Variants in PBX3 observed in about 807,000 individuals in gnomAD.
PBX3 encodes PBX homeobox 3.
Under a neutral mutation model 48.5 loss-of-function variants are expected in PBX3, and 14 were observed. The ratio of observed to expected loss-of-function variants is 0.29; its 90% CI spans 0.19 to 0.45. The LOEUF (loss-of-function observed/expected upper bound fraction) is 0.45, where lower values mean the gene tolerates loss of function less well. Among genes scored for constraint, PBX3 ranks in the 20% least tolerant of loss-of-function variants. The pLI, the probability that PBX3 is intolerant of heterozygous loss-of-function variation, is 1.00. For synonymous variants in PBX3, 210 were observed against 200.3 expected (o/e 1.05, Z -0.41); for missense variants, 386 against 546.7 (o/e 0.71, Z 2.93).
At chr9:125,954,057 G>A (rs1433838989) in intron 5 of PBX3, among the ~76,000 whole-genome samples, 1 of 152,126 alleles carries the variant, frequency 6.6e-6, no homozygotes, top group Non-Finnish European at 1.5e-5. Flanking sequence ...TTCCCTTCCT[G>A]CCCTTTTCTT....
Position 125,781,391 on chromosome 9 carries a change from G to A in PBX3, c.274+32768G>A, listed in dbSNP as rs558915611. 6.6e-5 allele frequency among the ~76,000 whole-genome samples: 10 copies of A among 151,798 alleles called. No homozygotes were observed. The South Asian group carries it at 1.3e-3, about 19-fold the overall frequency. ...GAAAACCAGTCAGGCGTGGTGGCGC[G>A]CGCCTGCAATCGCAGGCACTCGGCC... On this transcript the variant is annotated intron_variant, in intron 2 of 8. Transcript: ENST00000373489.
intron 2 of PBX3, among the ~76,000 whole-genome samples, chr9:125,834,776 G>T (rs1839071289): frequency 6.6e-6 from 1 of 150,518 alleles, no homozygotes; most frequent in African/African-American, 2.4e-5. Context: ...AGCACTTTGG[G>T]AGGCTGAGGT....
In PBX3 at chr9:125,899,441, GTATA is replaced by G. The variant is rs369506959; in HGVS notation, c.275-16234_275-16231del. ...TATATGTATGTCTATATATATGTGT[GTATA>G]TATATATATAGAGAGAGAGAGAGAG... On this transcript the variant is annotated intron_variant, in intron 2 of 8. Transcript: ENST00000373489. 2.9e-3 allele frequency among the ~76,000 whole-genome samples: 222 copies of G among 76,492 alleles called. 7 individuals are homozygous for G. The highest frequency in any genetic ancestry group is 0.018 in the East Asian group (47 of 2,620). 50.2% of individuals were successfully genotyped at this position (76,492 alleles called of 152,430 possible).
intron 5 of PBX3, among the ~76,000 whole-genome samples, chr9:125,941,218 T>G (rs1431413327): frequency 6.6e-6 from 1 of 152,168 alleles, no homozygotes; most frequent in Non-Finnish European, 1.5e-5. Context: ...GTGAGGAACA[T>G]TCTAGCAGAG....
At chr9:125,943,336 C>A (rs1841997926) in intron 5 of PBX3, among the ~76,000 whole-genome samples, 2 of 101,122 alleles carry the variant, frequency 2.0e-5, no homozygotes, top group East Asian at 3.4e-4. Flanking sequence ...GCTTGGGCTG[C>A]AGAGTGAGAC....
chr9:125,899,298 A>AATAT (rs1378395223), intron 2 of PBX3, among the ~76,000 whole-genome samples: 1 of 60,040 alleles, frequency 1.7e-5, no homozygotes, highest in Non-Finnish European at 3.9e-5. Flanking sequence ...TTTATATATA[A>AATAT]ATATACATAT....
chr9:125,831,021 GC>G (rs922605017), intron 2 of PBX3, among the ~76,000 whole-genome samples: 1 of 151,928 alleles, frequency 6.6e-6, no homozygotes, highest in Non-Finnish European at 1.5e-5. Context: ...CCTTCCTCCT[GC>G]CCCCCACCTG....
At chr9:125,929,354 G>A (rs1286718281) in intron 3 of PBX3, among the ~76,000 whole-genome samples, 2 of 152,138 alleles carry the variant, frequency 1.3e-5, no homozygotes, top group Middle Eastern at 3.2e-3. Context: ...ATTTTTACTT[G>A]TATATGGGAA....
intron 5 of PBX3, among the ~76,000 whole-genome samples, chr9:125,953,765 A>C (rs996256291): frequency 8.0e-6 from 1 of 124,226 alleles, no homozygotes; most frequent in African/African-American, 2.5e-5. Context: ...TTTTTAGCCC[A>C]AAAAAAGTCT....
chr9:125,822,767 A>G (rs1053432681), intron 2 of PBX3, among the ~76,000 whole-genome samples: 4 of 152,142 alleles, frequency 2.6e-5, no homozygotes, highest in Admixed American at 6.5e-5. Context: ...TTTGTACATT[A>G]ATACAGGGTA....
intron 2 of PBX3, among the ~76,000 whole-genome samples, chr9:125,802,724 G>GC (rs1837996250): frequency 6.6e-6 from 1 of 151,436 alleles, no homozygotes; most frequent in Non-Finnish European, 1.5e-5. Context: ...CGTTGCCCAG[G>GC]CTGGGGTGCA....
At chr9:125,908,313 G>A (rs1841123824) in intron 2 of PBX3, among the ~76,000 whole-genome samples, 1 of 152,054 alleles carries the variant, frequency 6.6e-6, no homozygotes, top group South Asian at 2.1e-4. Flanking sequence ...GGCGCACAGT[G>A]TAGTGTTATC....
intron 3 of PBX3, among the ~76,000 whole-genome samples, chr9:125,916,407 G>A (rs1377336341): frequency 6.6e-6 from 1 of 152,138 alleles, no homozygotes; most frequent in East Asian, 1.9e-4. Context: ...CACCAAGTAA[G>A]CAGGTTCCGG....
chr9:125,774,774 C>T (rs1325852987), intron 2 of PBX3, among the ~76,000 whole-genome samples: 2 of 151,736 alleles, frequency 1.3e-5, no homozygotes, highest in African/African-American at 4.8e-5. Flanking sequence ...AGGAGTAGAA[C>T]TGCTAGATCA....
rs2066159736 is a variant in PBX3, at chr9:125,963,028, A to G, written c.1139A>G (p.His380Arg). The G allele has an allele frequency of 1.2e-6, 2 of 1,604,618 alleles. No individual in the cohort carries two copies. Among genetic ancestry groups the G allele is most frequent in the Non-Finnish European group, 8.5e-7 (1 of 1,172,406 alleles). Residue 380 changes from histidine (H) to arginine (R), a missense_variant, in exon 8 of 9, where the codon CAT becomes CGT. Physicochemically the swap from His to Arg is conservative, Grantham distance 29 (BLOSUM62 0). Transcript: ENST00000373489. ...CACTTCTAGGTGGATACCCTCCGTC[A>G]TGTTATCAATCAGACGGGAGGCTAC... ...NVQSQVDTLR[H>R]VINQTGGYSD... is the part of the protein sequence containing the mutation.
intron 5 of PBX3, among the ~76,000 whole-genome samples, chr9:125,942,998 A>G (rs1287242838): frequency 1.3e-5 from 2 of 152,170 alleles, no homozygotes; most frequent in African/African-American, 2.4e-5. Context: ...GTCAGGTATT[A>G]TATTTATTTT....
chr9:125,772,585 A>C (rs997620687), intron 2 of PBX3, among the ~76,000 whole-genome samples: 2 of 152,236 alleles, frequency 1.3e-5, no homozygotes, highest in Non-Finnish European at 2.9e-5. Context: ...AACTTTGACA[A>C]GTCACCTAAT....
intron 2 of PBX3, among the ~76,000 whole-genome samples, chr9:125,848,833 T>C (rs1839501492): frequency 6.6e-6 from 1 of 151,998 alleles, no homozygotes; most frequent in African/African-American, 2.4e-5. Flanking sequence ...GTACATTCTG[T>C]GATAGTGCAT....
intron 2 of PBX3, among the ~76,000 whole-genome samples, chr9:125,872,327 G>T (rs937528514): frequency 6.6e-6 from 1 of 151,980 alleles, no homozygotes; most frequent in East Asian, 1.9e-4. Context: ...AAACAAATAG[G>T]TACCAAACAA....
Sources: gnomAD v4.1 joint callset for allele counts (sites outside exome capture counted in the v4.1 genomes callset) on GRCh38, gnomAD v4.1.1 for gene constraint, MANE v1.5 for transcripts, NCBI Gene and HGNC (gene_info 2026-07-23, HGNC 2026-07-21) for gene names.